The following NBEAL1 variants were observed in gnomAD, a reference collection of about 807,000 sequenced individuals.
NBEAL1 encodes neurobeachin like 1.
A neutral mutation model predicts 351.3 loss-of-function variants in NBEAL1; 273 were observed. The ratio of observed to expected loss-of-function variants is 0.78; its 90% CI spans 0.70 to 0.86. The LOEUF (loss-of-function observed/expected upper bound fraction) is 0.86. Among genes scored for constraint, NBEAL1 ranks in the 40% least tolerant of loss-of-function variants. The pLI is 0.00. For missense variants in NBEAL1, 2,961 were observed against 3,201.3 expected (o/e 0.92, Z 1.81); for synonymous variants, 1,050 against 1,086.4 (o/e 0.97, Z 0.66).
Position 203,057,338 on chromosome 2 carries a change from A to T in NBEAL1, c.400A>T (p.Lys134Ter). The T allele has an allele frequency of 6.5e-7, 1 of 1,549,210 alleles. No homozygotes were observed. The highest frequency in any genetic ancestry group is 1.4e-5 in the African/African-American group (1 of 73,100). ...ACTTTGTTCTCAGTTAAAAAGCAAA[A>T]AAAAAGAGAAGGAAATGGCAGATCA... ...TLYIQQLKSK[K>*]KEKEMADQTC... The change falls in exon 6 of 56, where the codon AAA becomes TAA. Residue 134 changes from lysine (K) to a stop codon, truncating the protein, a stop_gained. Coordinates refer to ENST00000683969, the MANE Select transcript of NBEAL1 (RefSeq NM_001378026.1). LOFTEE classifies it high-confidence loss of function.
intron 8 of NBEAL1, among the ~76,000 whole-genome samples, chr2:203,080,781 A>C (rs2061858119): frequency 6.6e-6 from 1 of 152,154 alleles, no homozygotes; most frequent in African/African-American, 2.4e-5. Flanking sequence ...TTGCTTAATC[A>C]CGTTCCAGTA....
intron 2 of NBEAL1, among the ~76,000 whole-genome samples, chr2:203,029,296 A>G (rs1005836982): frequency 6.6e-6 from 1 of 152,138 alleles, no homozygotes; most frequent in African/African-American, 2.4e-5. Flanking sequence ...AGCCTGCATC[A>G]GAAGCTTCTT....
intron 2 of NBEAL1, among the ~76,000 whole-genome samples, chr2:203,027,916 G>T (rs114698285): frequency 1.3e-5 from 2 of 150,976 alleles, no homozygotes; most frequent in Non-Finnish European, 2.9e-5. Context: ...ATGGAGTCTC[G>T]CTCTGTCACC....
chr2:203,132,519 CAG>C (rs1210097349), intron 26 of NBEAL1, among the ~76,000 whole-genome samples: 26 of 152,174 alleles, frequency 1.7e-4, no homozygotes, highest in African/African-American at 6.0e-4. Context: ...TTTTTAGAAA[CAG>C]AGTCTTGCTG....
intron 54 of NBEAL1, among the ~76,000 whole-genome samples, chr2:203,212,656 T>C (rs1244879032): frequency 6.6e-6 from 1 of 151,824 alleles, no homozygotes. Flanking sequence ...ATTTGTGTAC[T>C]GTTGTGAACA....
chr2:203,056,143 C>T (rs965083407), intron 4 of NBEAL1, among the ~76,000 whole-genome samples: 3 of 152,130 alleles, frequency 2.0e-5, no homozygotes, highest in African/African-American at 7.2e-5. Context: ...TATTTTTTCT[C>T]TTCTGTTTCT....
chr2:203,115,611 G>T (rs1462547270), intron 17 of NBEAL1, among the ~76,000 whole-genome samples: 1 of 149,410 alleles, frequency 6.7e-6, no homozygotes, highest in Non-Finnish European at 1.5e-5. Context: ...ATATTTTTTT[G>T]TAGAAATGGT....
At chr2:203,154,343 A>C (rs755587818) in intron 35 of NBEAL1, among the ~76,000 whole-genome samples, 1 of 152,176 alleles carries the variant, frequency 6.6e-6, no homozygotes, top group Non-Finnish European at 1.5e-5. Context: ...AAAAGGCATC[A>C]GTCTTTAATA....
intron 1 of NBEAL1, among the ~76,000 whole-genome samples, chr2:203,015,321 A>G (rs755375626): frequency 2.0e-5 from 3 of 152,066 alleles, no homozygotes; most frequent in Non-Finnish European, 4.4e-5. Context: ...GTGCGTGCCC[A>G]CTTCTCTTGG....
At chr2:203,060,230 A>C (rs1217746595) in intron 6 of NBEAL1, among the ~76,000 whole-genome samples, 1 of 152,240 alleles carries the variant, frequency 6.6e-6, no homozygotes, top group Non-Finnish European at 1.5e-5. Context: ...ATTTATAAAA[A>C]GGCAGCTCTG....
intron 10 of NBEAL1, among the ~76,000 whole-genome samples, chr2:203,096,341 A>G (rs889468067): frequency 6.6e-6 from 1 of 152,188 alleles, no homozygotes; most frequent in African/African-American, 2.4e-5. Context: ...CCATACCTCT[A>G]TGCAGTTTAT....
At chr2:203,143,652 C>T (rs2063437181) in intron 31 of NBEAL1, among the ~76,000 whole-genome samples, 1 of 152,102 alleles carries the variant, frequency 6.6e-6, no homozygotes, top group African/African-American at 2.4e-5. Flanking sequence ...CTTTCATATC[C>T]AGAGAAAGAG....
chr2:203,152,561 G>C (rs986099165), intron 35 of NBEAL1, among the ~76,000 whole-genome samples: 3 of 151,728 alleles, frequency 2.0e-5, no homozygotes, highest in African/African-American at 7.3e-5. Context: ...CTGCATTCCA[G>C]CCTGGGCAAC....
intron 2 of NBEAL1, among the ~76,000 whole-genome samples, chr2:203,036,423 T>TTGTAGTGGCTTTA (rs1241962995): frequency 6.7e-6 from 1 of 149,188 alleles, no homozygotes; most frequent in Non-Finnish European, 1.5e-5. Flanking sequence ...GTTAAAGCCA[T>TTGTAGTGGCTTTA]TGTAGTGTAG....
At chr2:203,172,898 G>T (rs2064369494) in intron 41 of NBEAL1, 45 bp downstream of exon 41, 4 of 1,524,760 alleles carry the variant, frequency 2.6e-6, no homozygotes, top group Admixed American at 2.1e-5. Flanking sequence ...TTGCTTCTTT[G>T]AATTTGTATT....
chr2:203,191,428 CATT>C, intron 46 of NBEAL1: 2 of 455,632 alleles, frequency 4.4e-6, no homozygotes, highest in Admixed American at 3.8e-5. Flanking sequence ...GAAATTAAAT[CATT>C]ATCTTCCTGA....
Position 203,169,822 on chromosome 2 carries a change from G to C in NBEAL1, c.6073G>C (p.Glu2025Gln). 2 of 1,608,202 alleles carry C rather than the reference G, an allele frequency of 1.2e-6. No individual in the cohort carries two copies. The highest frequency in any genetic ancestry group is 1.7e-4 in the Middle Eastern group (1 of 6,042). Residue 2025 changes from glutamate (E) to glutamine (Q), a missense_variant, in exon 39 of 56, where the codon GAG becomes CAG. Transcript: ENST00000683969. ...NSYYGSRSPQ[E>Q]LFKASGLTQK... ...TTATTATGGAAGCAGATCACCACAG[G>C]AGTTATTCAAAGCATCAGGATTGAC... is the stretch of plus-strand genomic sequence containing the variant.
rs374128637 is a variant in NBEAL1 at position 203,023,870 on chromosome 2, A to G, written c.51+7435A>G. 3.3e-5 allele frequency among the ~76,000 whole-genome samples: 5 copies of G among 152,330 alleles called. No homozygotes were observed. The East Asian group carries it at 9.6e-4, about 29-fold the overall frequency. ...AGAAGAAGGTAAAAGGAAGCCCTGA[A>G]GAACATTGTCATTTAAGAAGAAGAC... On this transcript the variant is annotated intron_variant, in intron 2 of 55. Coordinates refer to ENST00000683969, the MANE Select transcript of NBEAL1 (RefSeq NM_001378026.1).
intron 49 of NBEAL1, among the ~76,000 whole-genome samples, chr2:203,200,642 C>T (rs1264368714): frequency 4.6e-5 from 7 of 152,024 alleles, no homozygotes. Flanking sequence ...TGCAGTGAGC[C>T]GAGATTGCGC....
Sources: gnomAD v4.1 joint callset for allele counts (sites outside exome capture counted in the v4.1 genomes callset) on GRCh38, gnomAD v4.1.1 for gene constraint, MANE v1.5 for transcripts, NCBI Gene and HGNC (gene_info 2026-07-23, HGNC 2026-07-21) for gene names.